Variants in SIMC1 observed in about 807,000 individuals in gnomAD.
SIMC1 encodes the protein SUMO-interacting motif-containing protein 1.
In SIMC1, 55 loss-of-function variants were observed where a neutral mutation model predicts 82.3. The observed-to-expected ratio is 0.67, with a 90% CI of 0.54 to 0.84. SIMC1 has a LOEUF of 0.84. Ranked by LOEUF, SIMC1 falls within the 40% of genes least tolerant of loss-of-function variation. SIMC1 has a pLI of 0.00. For missense variants in SIMC1, 915 were observed against 1,107.2 expected (o/e 0.83, Z 2.46); for synonymous variants, 353 against 426.3 (o/e 0.83, Z 2.12).
chr5:176,282,354 AAAGGG>A (rs976014308), intron 1 of SIMC1, among the ~76,000 whole-genome samples: 1 of 152,196 alleles, frequency 6.6e-6, no homozygotes, highest in African/African-American at 2.4e-5. Flanking sequence ...TTTGACTAGG[AAAGGG>A]AACTCCCTGA....
rs562995365 is a variant in SIMC1, at chr5:176,343,772, CTTTTTTTG to C, written c.2414-1398_2414-1391del. ...GCATTATCACACTCACGAAACTTTTCTTTTTTTGTTTTTTTGTTTTGTTTTGTTTTGTT... is the reference window on the plus strand; with the variant it reads ...GCATTATCACACTCACGAAACTTTTCTTTTTTTGTTTTGTTTTGTTTTGTT... On this transcript the variant is annotated intron_variant, in intron 9 of 9. Transcript: ENST00000429602. Among the ~76,000 whole-genome samples, 726 of 151,988 alleles carry C rather than the reference CTTTTTTTG, an allele frequency of 4.8e-3. 8 individuals carry two copies. The highest frequency in any genetic ancestry group is 0.016 in the African/African-American group (663 of 41,462).
intron 7 of SIMC1, among the ~76,000 whole-genome samples, chr5:176,325,680 C>T (rs140457017): frequency 1.0e-3 from 155 of 151,588 alleles, no homozygotes; most frequent in African/African-American, 3.0e-3. Flanking sequence ...AGCGAGACTC[C>T]GTCTCAAAAA....
In SIMC1 at chr5:176,321,885, C is replaced by CTTT. The variant is rs11418187; in HGVS notation, c.1890-369_1890-367dup. On this transcript the variant is annotated intron_variant, in intron 5 of 9. Coordinates refer to ENST00000429602, the MANE Select transcript of SIMC1 (RefSeq NM_001308195.2). The stretch of plus-strand genomic sequence containing the variant: ...AGAAAAATGTTGATATTTTAGTTAG[C>CTTT]TTTTTTTTTTTTTTTTTTTTTGTAG... 8.6e-3 allele frequency among the ~76,000 whole-genome samples: 779 copies of CTTT among 90,730 alleles called. 37 individuals carry two copies. Among genetic ancestry groups the CTTT allele is most frequent in the African/African-American group, 0.013 (305 of 22,806 alleles). 59.5% of individuals were successfully genotyped at this position (90,730 alleles called of 152,430 possible).
At chr5:176,252,236 C>T (rs1396768882) in intron 1 of SIMC1, among the ~76,000 whole-genome samples, 8 of 149,614 alleles carry the variant, frequency 5.3e-5, no homozygotes, top group Admixed American at 4.0e-4. Flanking sequence ...ACCTCCCTCC[C>T]GGACGGGGCG....
intron 2 of SIMC1, among the ~76,000 whole-genome samples, chr5:176,293,380 T>C (rs974674647): frequency 1.3e-5 from 2 of 150,580 alleles, no homozygotes; most frequent in Non-Finnish European, 3.0e-5. Flanking sequence ...ACTTGCAGTG[T>C]GCCAGGATCA....
chr5:176,287,162 G>A (rs557625021), intron 1 of SIMC1, among the ~76,000 whole-genome samples: 7 of 152,240 alleles, frequency 4.6e-5, no homozygotes, highest in Middle Eastern at 3.4e-3. Flanking sequence ...TCATGCTGCT[G>A]TAAAGACACA....
At chr5:176,251,234 C>T (rs1761640654) in intron 1 of SIMC1, among the ~76,000 whole-genome samples, 1 of 152,152 alleles carries the variant, frequency 6.6e-6, no homozygotes, top group Non-Finnish European at 1.5e-5. Context: ...ATGGCACACT[C>T]CTGTAGTCCC....
At chr5:176,262,531 A>G (rs945541109) in intron 1 of SIMC1, among the ~76,000 whole-genome samples, 20 of 152,228 alleles carry the variant, frequency 1.3e-4, no homozygotes, top group African/African-American at 4.8e-4. Context: ...AGGGCCGGGC[A>G]TGGTAGATCA....
chr5:176,306,288 T>TGGGG (rs1162850305), intron 4 of SIMC1, among the ~76,000 whole-genome samples: 1 of 99,440 alleles, frequency 1.0e-5, no homozygotes, highest in Non-Finnish European at 2.2e-5. Flanking sequence ...GGGAGGGAGG[T>TGGGG]GGGGGGGTCA....
chr5:176,308,646 A>G, intron 4 of SIMC1: 2 of 1,578,746 alleles, frequency 1.3e-6, no homozygotes, highest in Non-Finnish European at 1.7e-6. Context: ...CTGGAGCTCC[A>G]GCCAGCACAT....
intron 1 of SIMC1, among the ~76,000 whole-genome samples, chr5:176,282,940 T>C (rs1763081840): frequency 6.6e-6 from 1 of 152,106 alleles, no homozygotes; most frequent in Non-Finnish European, 1.5e-5. Flanking sequence ...GAAGATCAAA[T>C]GAATGAAATG....
chr5:176,273,139 T>C (rs1428739343), intron 1 of SIMC1, among the ~76,000 whole-genome samples: 49 of 152,204 alleles, frequency 3.2e-4, no homozygotes, highest in Admixed American at 3.2e-3. Flanking sequence ...CCTCCTCAAG[T>C]GGGTCCCTGA....
chr5:176,333,093 C>T (rs143562997), intron 7 of SIMC1, among the ~76,000 whole-genome samples: 139 of 152,290 alleles, frequency 9.1e-4, no homozygotes, highest in African/African-American at 2.8e-3. Flanking sequence ...CACTTGATGT[C>T]AGGAGTTCAA....
At chr5:176,272,655 G>A (rs1214986849) in intron 1 of SIMC1, among the ~76,000 whole-genome samples, 1 of 152,204 alleles carries the variant, frequency 6.6e-6, no homozygotes, top group Non-Finnish European at 1.5e-5. Context: ...CGCCTGAGAA[G>A]CGCAAAGGGT....
At chr5:176,326,271 C>T (rs1230821717) in intron 7 of SIMC1, among the ~76,000 whole-genome samples, 3 of 152,090 alleles carry the variant, frequency 2.0e-5, no homozygotes, top group African/African-American at 7.2e-5. Context: ...AATGTCATGC[C>T]AAATAGTACT....
At chr5:176,345,005 C>G (rs1017130351) in intron 9 of SIMC1, among the ~76,000 whole-genome samples, 178 bp from the exon 10 acceptor site, 2 of 151,946 alleles carry the variant, frequency 1.3e-5, no homozygotes, top group African/African-American at 4.8e-5. Context: ...CCCGAGAGAA[C>G]TGAGAACAAA....
intron 1 of SIMC1, among the ~76,000 whole-genome samples, chr5:176,262,257 C>A: frequency 7.4e-6 from 1 of 135,526 alleles, no homozygotes; most frequent in Non-Finnish European, 1.6e-5. Flanking sequence ...GCCAAAAAAG[C>A]ATTTAATACC....
intron 9 of SIMC1, among the ~76,000 whole-genome samples, chr5:176,338,017 A>G (rs1003984339): frequency 1.3e-5 from 2 of 152,184 alleles, no homozygotes; most frequent in African/African-American, 4.8e-5. Context: ...TGAATTATTA[A>G]TTACTAGAGG....
chr5:176,297,048 A>G (rs1763843524), intron 4 of SIMC1, among the ~76,000 whole-genome samples: 1 of 152,224 alleles, frequency 6.6e-6, no homozygotes, highest in South Asian at 2.1e-4. Context: ...GGATTTAGAA[A>G]CACAATATCT....
Sources: gnomAD v4.1 joint callset for allele counts (sites outside exome capture counted in the v4.1 genomes callset) on GRCh38, gnomAD v4.1.1 for gene constraint, MANE v1.5 for transcripts, NCBI Gene and HGNC (gene_info 2026-07-23, HGNC 2026-07-21) for gene names.